TMTC1: variants seen among roughly 807,000 people sequenced by gnomAD.
TMTC1 encodes protein O-mannosyl-transferase TMTC1.
Under a neutral mutation model 104.8 loss-of-function variants are expected in TMTC1, and 73 were observed. The observed-to-expected ratio is 0.70, with a 90% CI of 0.58 to 0.85. The LOEUF (loss-of-function observed/expected upper bound fraction) is 0.85. TMTC1 is among the 40% of genes least tolerant of loss of function. The pLI is 0.00. For synonymous variants in TMTC1, 434 were observed against 428.7 expected (o/e 1.01, Z -0.15); for missense variants, 1,035 against 1,096.1 (o/e 0.94, Z 0.79).
intron 6 of TMTC1, among the ~76,000 whole-genome samples, chr12:29,623,716 G>C (rs961691528): frequency 6.6e-6 from 1 of 152,146 alleles, no homozygotes. Flanking sequence ...AGGAGGCTGA[G>C]ACAGGAGAAT....
intron 5 of TMTC1, among the ~76,000 whole-genome samples, chr12:29,728,997 C>A (rs1280684387): frequency 9.0e-6 from 1 of 111,004 alleles, no homozygotes; most frequent in African/African-American, 3.4e-5. Flanking sequence ...GACTCCATCT[C>A]CAAAAAAAAA....
intron 1 of TMTC1, among the ~76,000 whole-genome samples, chr12:29,780,560 T>C (rs952429056): frequency 8.5e-5 from 13 of 152,260 alleles, no homozygotes; most frequent in African/African-American, 3.1e-4. Context: ...CTGAGGATCC[T>C]TGGGATGGAA....
At chr12:29,660,921 T>C (rs1939991952) in intron 5 of TMTC1, 2 of 1,321,060 alleles carry the variant, frequency 1.5e-6, no homozygotes, top group African/African-American at 1.5e-5. Flanking sequence ...TAGATAAGTG[T>C]GTCTACCAGA....
chr12:29,587,856 A>T (rs1786433342), intron 7 of TMTC1, among the ~76,000 whole-genome samples: 1 of 152,200 alleles, frequency 6.6e-6, no homozygotes, highest in African/African-American at 2.4e-5. Context: ...AGACAACTCC[A>T]GTCTAGTGAA....
intron 8 of TMTC1, 126 bp from the exon 9 acceptor site, chr12:29,572,344 G>A (rs1945702377): frequency 1.2e-6 from 1 of 809,010 alleles, no homozygotes; most frequent in Non-Finnish European, 1.9e-6. Flanking sequence ...ACAAGGCATT[G>A]TAGCCTACAA....
chr12:29,723,527 C>A (rs1273869472), intron 5 of TMTC1, among the ~76,000 whole-genome samples: 1 of 151,986 alleles, frequency 6.6e-6, no homozygotes. Context: ...TAGAGACCAG[C>A]CTGGGCAACA....
chr12:29,767,001 G>A (rs1363040506), intron 2 of TMTC1, among the ~76,000 whole-genome samples: 3 of 151,366 alleles, frequency 2.0e-5, no homozygotes, highest in Non-Finnish European at 4.4e-5. Flanking sequence ...CCAGGCTGGA[G>A]TACAATGGTG....
intron 5 of TMTC1, among the ~76,000 whole-genome samples, chr12:29,690,203 A>C (rs905396545): frequency 6.6e-6 from 1 of 152,220 alleles, no homozygotes; most frequent in Non-Finnish European, 1.5e-5. Flanking sequence ...TTGGTAGTAA[A>C]TTCAGTGAAC....
At chr12:29,727,791 T>G (rs1394895690) in intron 5 of TMTC1, among the ~76,000 whole-genome samples, 2 of 149,866 alleles carry the variant, frequency 1.3e-5, no homozygotes, top group Non-Finnish European at 3.0e-5. Flanking sequence ...CAGTTTTTTG[T>G]TTTGTTTTGT....
intron 7 of TMTC1, among the ~76,000 whole-genome samples, chr12:29,586,202 T>C (rs540121862): frequency 6.6e-6 from 1 of 152,306 alleles, no homozygotes; most frequent in South Asian, 2.1e-4. Flanking sequence ...TTTGAAGCAA[T>C]TGTGAATGGG....
chr12:29,574,669 GCA>G (rs1945772418), intron 8 of TMTC1, among the ~76,000 whole-genome samples: 2 of 152,216 alleles, frequency 1.3e-5, no homozygotes, highest in African/African-American at 4.8e-5. Flanking sequence ...CTCGGAGTGT[GCA>G]CACAGACAGA....
At chr12:29,665,065 G>A (rs1940220703) in intron 5 of TMTC1, among the ~76,000 whole-genome samples, 4 of 152,012 alleles carry the variant, frequency 2.6e-5, no homozygotes, top group African/African-American at 7.3e-5. Context: ...TCAGTTTTAG[G>A]TCTAAAATAT....
chr12:29,664,348 T>C (rs1222792349), intron 5 of TMTC1, among the ~76,000 whole-genome samples: 3 of 151,938 alleles, frequency 2.0e-5, no homozygotes. Flanking sequence ...TGTTGACCAA[T>C]AGTAAATGAG....
chr12:29,720,549 C>T (rs1458009964), intron 5 of TMTC1, among the ~76,000 whole-genome samples: 1 of 151,716 alleles, frequency 6.6e-6, no homozygotes, highest in Non-Finnish European at 1.5e-5. Flanking sequence ...GGTTTATGAA[C>T]ACAACAAATC....
Position 29,708,403 on chromosome 12 carries a change from C to T in TMTC1, c.938+43263G>A, listed in dbSNP as rs147828920. On this transcript the variant is annotated intron_variant, in intron 5 of 17. Coordinates refer to ENST00000539277, the MANE Select transcript of TMTC1 (RefSeq NM_001193451.2). The stretch of plus-strand genomic sequence containing the variant: ...GAGCAAATGTCTCTTATAATAGACA[C>T]CAAAAGTCAGAGGAACAAATAATTT... 5.4e-3 allele frequency among the ~76,000 whole-genome samples: 828 copies of T among 152,220 alleles called. 7 individuals carry two copies. Among genetic ancestry groups the T allele is most frequent in the African/African-American group, 0.019 (789 of 41,532 alleles).
chr12:29,578,193 A>G (rs910976988), intron 8 of TMTC1, among the ~76,000 whole-genome samples: 1 of 152,000 alleles, frequency 6.6e-6, no homozygotes, highest in Non-Finnish European at 1.5e-5. Flanking sequence ...TGTTCCTAAC[A>G]GGCAAGCAGA....
intron 7 of TMTC1, among the ~76,000 whole-genome samples, chr12:29,599,285 C>G (rs555130691): frequency 5.9e-5 from 9 of 152,264 alleles, no homozygotes; most frequent in African/African-American, 1.9e-4. Context: ...ATGATTTCAG[C>G]CCCAAACTCT....
chr12:29,570,924 C>G (rs1945658961), intron 9 of TMTC1, among the ~76,000 whole-genome samples: 1 of 139,552 alleles, frequency 7.2e-6, no homozygotes, highest in Admixed American at 7.9e-5. Flanking sequence ...ACAAAACCAA[C>G]TTCTGCCATA....
chr12:29,520,154 G>GT (rs1467960357), intron 12 of TMTC1, among the ~76,000 whole-genome samples: 2 of 152,174 alleles, frequency 1.3e-5, no homozygotes, highest in African/African-American at 4.8e-5. Context: ...TAAGAGCATT[G>GT]TATCAATTTT....
Sources: gnomAD v4.1 joint callset for allele counts (sites outside exome capture counted in the v4.1 genomes callset) on GRCh38, gnomAD v4.1.1 for gene constraint, MANE v1.5 for transcripts, NCBI Gene and HGNC (gene_info 2026-07-23, HGNC 2026-07-21) for gene names.